KAT2B: variants seen among roughly 807,000 people sequenced by gnomAD.
The protein encoded by KAT2B is lysine acetyltransferase 2B.
KAT2B carries 36 observed loss-of-function variants against 105.9 expected under a neutral mutation model. That is an observed-to-expected ratio of 0.34 (90% CI 0.26 to 0.45). KAT2B has a LOEUF of 0.45. KAT2B is among the 20% of genes least tolerant of loss of function. The pLI is 1.00. For missense variants in KAT2B, 820 were observed against 1,021.6 expected (o/e 0.80, Z 2.69); for synonymous variants, 397 against 377.9 (o/e 1.05, Z -0.59).
intron 11 of KAT2B, among the ~76,000 whole-genome samples, chr3:20,133,971 A>C (rs758761296): frequency 6.6e-6 from 1 of 152,230 alleles, no homozygotes; most frequent in East Asian, 1.9e-4. Flanking sequence ...TTGATTCTAT[A>C]GAAGATATTT....
At chr3:20,120,360 TG>T (rs773686140) in intron 8 of KAT2B, among the ~76,000 whole-genome samples, 2 of 152,148 alleles carry the variant, frequency 1.3e-5, no homozygotes, top group Non-Finnish European at 2.9e-5. Flanking sequence ...CCTGAGTAGC[TG>T]GGATTACAGG....
At chr3:20,084,356 CT>C (rs1698576535) in intron 2 of KAT2B, among the ~76,000 whole-genome samples, 1 of 152,140 alleles carries the variant, frequency 6.6e-6, no homozygotes, top group Non-Finnish European at 1.5e-5. Flanking sequence ...AGTGCTCCCC[CT>C]ACCACTCCAG....
chr3:20,053,360 A>AC (rs766980810), intron 1 of KAT2B, among the ~76,000 whole-genome samples: 16 of 152,034 alleles, frequency 1.1e-4, no homozygotes, highest in Non-Finnish European at 2.4e-4. Context: ...ACATAATGAG[A>AC]CCCCATCTCT....
At chr3:20,048,129 T>G (rs1482863763) in intron 1 of KAT2B, among the ~76,000 whole-genome samples, 1 of 152,170 alleles carries the variant, frequency 6.6e-6, no homozygotes, top group Non-Finnish European at 1.5e-5. Flanking sequence ...CTGTGGTGAC[T>G]TCTCTAAAAT....
At chr3:20,127,745 A>G (rs929569794) in intron 11 of KAT2B, among the ~76,000 whole-genome samples, 196 bp downstream of exon 11, 3 of 152,044 alleles carry the variant, frequency 2.0e-5, no homozygotes, top group South Asian at 2.1e-4. Flanking sequence ...ACGGAAGACA[A>G]TTTTTCCACG....
intron 2 of KAT2B, among the ~76,000 whole-genome samples, chr3:20,079,783 C>T (rs981005216): frequency 1.3e-5 from 2 of 152,182 alleles, no homozygotes; most frequent in East Asian, 3.8e-4. Flanking sequence ...CACAATGACA[C>T]AGCCTCCTGA....
intron 17 of KAT2B, among the ~76,000 whole-genome samples, chr3:20,151,581 T>C (rs1243646435): frequency 6.6e-6 from 1 of 152,162 alleles, no homozygotes; most frequent in Non-Finnish European, 1.5e-5. Flanking sequence ...TGCATAGAAT[T>C]CCTTAAATTA....
chr3:20,094,954 C>G (rs901131409), intron 2 of KAT2B, among the ~76,000 whole-genome samples: 1 of 151,992 alleles, frequency 6.6e-6, no homozygotes, highest in African/African-American at 2.4e-5. Context: ...AGAAGTTGAC[C>G]CTATTAGGAC....
At chr3:20,130,037 T>C (rs1373220926) in intron 11 of KAT2B, among the ~76,000 whole-genome samples, 1 of 152,100 alleles carries the variant, frequency 6.6e-6, no homozygotes, top group Non-Finnish European at 1.5e-5. Context: ...TGGAATGCAG[T>C]GATGTGATCT....
intron 1 of KAT2B, among the ~76,000 whole-genome samples, chr3:20,053,358 A>G (rs1323260083): frequency 6.6e-6 from 1 of 152,162 alleles, no homozygotes; most frequent in Non-Finnish European, 1.5e-5. Context: ...CAACATAATG[A>G]GACCCCATCT....
At chr3:20,096,919 G>A (rs1698820764) in intron 3 of KAT2B, among the ~76,000 whole-genome samples, 1 of 150,986 alleles carries the variant, frequency 6.6e-6, no homozygotes, top group South Asian at 2.1e-4. Flanking sequence ...ATTAAATTTG[G>A]GGATATTAAC....
chr3:20,040,842 C>T (rs1029289060), intron 1 of KAT2B, 62 bp downstream of exon 1: 12 of 1,480,834 alleles, frequency 8.1e-6, no homozygotes, highest in African/African-American at 1.5e-5. Flanking sequence ...CGGGACCCCC[C>T]TCCCCCTCCC....
chr3:20,125,774 T>TTTCAGA (rs1421509474), intron 9 of KAT2B, 131 bp from the exon 10 acceptor site: 1 of 689,786 alleles, frequency 1.4e-6, no homozygotes, highest in Non-Finnish European at 2.5e-6. Flanking sequence ...TGCACACATG[T>TTTCAGA]GTATTTAGGA....
chr3:20,123,389 T>G (rs563239480), intron 9 of KAT2B, among the ~76,000 whole-genome samples: 2 of 152,218 alleles, frequency 1.3e-5, no homozygotes, highest in Non-Finnish European at 2.9e-5. Context: ...ACAGGGTTGG[T>G]GAATTACAGC....
Position 20,140,319 on chromosome 3 carries a change from G to A in KAT2B, c.1959G>A (p.Arg653=). Residue 653 remains arginine, a synonymous_variant, in exon 13 of 18, where the codon CGG becomes CGA. Coordinates refer to ENST00000263754, the MANE Select transcript of KAT2B (RefSeq NM_003884.5). Reference sequence around the variant, plus strand: ...TAATGGGATGTGAGCTAAATCCACGGATCCCGTACACAGAATTTTCTGTCA... The same window carrying A: ...TAATGGGATGTGAGCTAAATCCACGAATCCCGTACACAGAATTTTCTGTCA... ...ATLMGCELNP[R]IPYTEFSVII... 6.2e-7 allele frequency: 1 copy of A among 1,613,848 alleles called. No individual in the cohort carries two copies. The highest frequency in any genetic ancestry group is 8.5e-7 in the Non-Finnish European group (1 of 1,179,834).
chr3:20,056,526 A>T (rs186251871), intron 1 of KAT2B, among the ~76,000 whole-genome samples: 1 of 152,212 alleles, frequency 6.6e-6, no homozygotes, highest in African/African-American at 2.4e-5. Context: ...GACATTCTGA[A>T]TGCCTCATAG....
chr3:20,096,718 A>G (rs1296072736), intron 3 of KAT2B, among the ~76,000 whole-genome samples: 1 of 152,148 alleles, frequency 6.6e-6, no homozygotes, highest in Non-Finnish European at 1.5e-5. Flanking sequence ...TTTGGCTGCT[A>G]GGAATCTTAG....
Position 20,045,857 on chromosome 3 carries a change from A to G in KAT2B, c.303+5077A>G, listed in dbSNP as rs190105619. Among the ~76,000 whole-genome samples, 278 of 152,340 alleles carry G rather than the reference A, an allele frequency of 1.8e-3. 1 individual carries two copies. Among genetic ancestry groups the G allele is most frequent in the African/African-American group, 6.4e-3 (268 of 41,588 alleles). ...CCTCATGGCATAACAGTGAGGATTT[A>G]AAATGGGCTGTATTAGACATCCAGC... On this transcript the variant is annotated intron_variant, in intron 1 of 17. Transcript: ENST00000263754.
chr3:20,122,923 G>C, intron 9 of KAT2B, 119 bp downstream of exon 9: 1 of 1,404,864 alleles, frequency 7.1e-7, no homozygotes, highest in Non-Finnish European at 9.3e-7. Flanking sequence ...ACCCTGGTTT[G>C]CATTTAACCT....
Sources: allele counts gnomAD v4.1 joint callset (sites outside exome capture counted in the v4.1 genomes callset), GRCh38; gene constraint gnomAD v4.1.1; transcripts MANE v1.5; gene names NCBI Gene and HGNC (gene_info 2026-07-23, HGNC 2026-07-21).